Variants in GFRA1 observed in about 807,000 individuals in gnomAD.
GFRA1 encodes GDNF family receptor alpha-1.
GFRA1 carries 16 observed loss-of-function variants against 51.6 expected under a neutral mutation model. The observed-to-expected ratio is 0.31, with a 90% CI of 0.21 to 0.47. The LOEUF is 0.47. GFRA1 is among the 20% of genes least tolerant of loss of function. GFRA1 has a pLI of 1.00. For missense variants in GFRA1, 530 were observed against 594.3 expected (o/e 0.89, Z 1.13); for synonymous variants, 270 against 241.3 (o/e 1.12, Z -1.10).
intron 5 of GFRA1, among the ~76,000 whole-genome samples, chr10:116,154,582 G>A (rs1285805243): frequency 6.6e-6 from 1 of 152,176 alleles, no homozygotes; most frequent in Non-Finnish European, 1.5e-5. Flanking sequence ...AGTTAGGAGG[G>A]TGCTTCTGGA....
chr10:116,164,615 G>C (rs1002258193), intron 5 of GFRA1, among the ~76,000 whole-genome samples: 12 of 152,136 alleles, frequency 7.9e-5, no homozygotes, highest in Non-Finnish European at 1.5e-4. Flanking sequence ...TCAGTGTTGG[G>C]TCTTTTAATG....
intron 9 of GFRA1, among the ~76,000 whole-genome samples, chr10:116,070,759 C>CTTTTTTTTTTTTTTTT (rs773344299): frequency 1.0e-5 from 1 of 97,720 alleles, no homozygotes; most frequent in African/African-American, 4.7e-5. Context: ...AGTCTGGAGC[C>CTTTTTTTTTTTTTTTT]TTTTTTTTTT....
At chr10:116,181,805 G>A (rs765477533) in intron 5 of GFRA1, among the ~76,000 whole-genome samples, 2 of 151,678 alleles carry the variant, frequency 1.3e-5, no homozygotes, top group South Asian at 2.1e-4. Context: ...TACTATGCCC[G>A]GCTAATTTTT....
chr10:116,118,033 C>T (rs1957498930), intron 6 of GFRA1, among the ~76,000 whole-genome samples: 1 of 29,536 alleles, frequency 3.4e-5, no homozygotes, highest in African/African-American at 5.4e-5. Context: ...TTCTCACCCA[C>T]TTTCTCTAGA....
intron 9 of GFRA1, among the ~76,000 whole-genome samples, chr10:116,082,959 G>T (rs903091977): frequency 2.0e-5 from 3 of 152,112 alleles, no homozygotes; most frequent in African/African-American, 7.2e-5. Flanking sequence ...CCAGTCCAAG[G>T]GTCAGCCTGT....
intron 9 of GFRA1, among the ~76,000 whole-genome samples, chr10:116,080,868 G>A (rs541081635): frequency 1.8e-4 from 27 of 152,280 alleles, no homozygotes; most frequent in Middle Eastern, 3.4e-3. Flanking sequence ...TCAATCAATA[G>A]TGCCTACTTA....
rs185685355 is a variant in GFRA1, at chr10:116,108,113, A to G, written c.771-11349T>C. On this transcript the variant is annotated intron_variant, in intron 6 of 10. Transcript: ENST00000355422. ...TGAATGGCTAACAACCTACACTTGC[A>G]CAAGTTCGCTTTAAACAGAAACACA... Among the ~76,000 whole-genome samples the G allele has an allele frequency of 4.6e-5, 7 of 152,290 alleles. No individual in the cohort carries two copies. In the East Asian group the frequency reaches 1.2e-3, roughly 25 times the overall value.
chr10:116,273,644 ACACT>A (rs1482164525), upstream of GFRA1, among the ~76,000 whole-genome samples: 401 of 146,528 alleles, frequency 2.7e-3, 2 homozygotes, highest in Middle Eastern at 0.01. Context: ...CCAGACACAC[ACACT>A]CTCTCTCTCT....
At chr10:116,230,400 A>T (rs1966602858) in intron 4 of GFRA1, among the ~76,000 whole-genome samples, 1 of 152,222 alleles carries the variant, frequency 6.6e-6, no homozygotes, top group African/African-American at 2.4e-5. Flanking sequence ...ATTCCAAATT[A>T]GTCTCTCTCA....
At chr10:116,085,614 G>A (rs561495055) in intron 9 of GFRA1, among the ~76,000 whole-genome samples, 17 of 152,222 alleles carry the variant, frequency 1.1e-4, no homozygotes, top group African/African-American at 2.6e-4. Flanking sequence ...GGAGCCCTCC[G>A]CCCAGGCAAG....
intron 4 of GFRA1, among the ~76,000 whole-genome samples, chr10:116,225,428 G>A (rs558739967): frequency 5.3e-5 from 8 of 150,204 alleles, no homozygotes; most frequent in African/African-American, 2.0e-4. Flanking sequence ...CCTGCTACTC[G>A]GGAGGCTGAG....
At chr10:116,213,748 T>C (rs1965367522) in intron 4 of GFRA1, among the ~76,000 whole-genome samples, 1 of 152,180 alleles carries the variant, frequency 6.6e-6, no homozygotes, top group South Asian at 2.1e-4. Context: ...AGAAGATCTA[T>C]GGTGGCAGTT....
At chr10:116,141,686 T>C (rs4439435) in intron 5 of GFRA1, among the ~76,000 whole-genome samples, 149,032 of 152,136 alleles carry the variant, frequency 0.98, 73,075 homozygotes, top group East Asian at 1. Flanking sequence ...CGGGTTCAAG[T>C]GAGTCTCCTG....
At chr10:116,095,077 G>A (rs1227230072) in intron 7 of GFRA1, among the ~76,000 whole-genome samples, 1 of 152,182 alleles carries the variant, frequency 6.6e-6, no homozygotes, top group Non-Finnish European at 1.5e-5. Flanking sequence ...AAGGGTTTAA[G>A]GTTTGCCAAG....
At chr10:116,165,659 T>A (rs1268702962) in intron 5 of GFRA1, among the ~76,000 whole-genome samples, 12 of 32,426 alleles carry the variant, frequency 3.7e-4, no homozygotes, top group African/African-American at 1.7e-3. Flanking sequence ...GCTCTTTCTC[T>A]CACTCTCACA....
intron 9 of GFRA1, among the ~76,000 whole-genome samples, chr10:116,087,604 C>A (rs981931491): frequency 2.6e-5 from 4 of 152,156 alleles, no homozygotes; most frequent in African/African-American, 9.7e-5. Flanking sequence ...TTTGCTGTAG[C>A]CAGAACTTGC....
intron 9 of GFRA1, among the ~76,000 whole-genome samples, chr10:116,075,273 A>G (rs969099017): frequency 5.9e-5 from 9 of 152,114 alleles, no homozygotes; most frequent in African/African-American, 2.2e-4. Flanking sequence ...CAATTGGTCT[A>G]TTTTTGCAAG....
At chr10:116,203,322 G>A (rs1483193160) in intron 5 of GFRA1, among the ~76,000 whole-genome samples, 1 of 152,220 alleles carries the variant, frequency 6.6e-6, no homozygotes, top group Admixed American at 6.5e-5. Context: ...CAATGCGAGT[G>A]GGGCTCTCAG....
intron 4 of GFRA1, among the ~76,000 whole-genome samples, chr10:116,214,115 C>T (rs1040473249): frequency 4.6e-4 from 3 of 6,586 alleles, no homozygotes; most frequent in Non-Finnish European, 0.01. Flanking sequence ...CTTTCACCTG[C>T]GCTTGCTTCT....
Sources: allele counts gnomAD v4.1 joint callset (sites outside exome capture counted in the v4.1 genomes callset), GRCh38; gene constraint gnomAD v4.1.1; transcripts MANE v1.5; gene names NCBI Gene and HGNC (gene_info 2026-07-23, HGNC 2026-07-21).